The following DPF3 variants were observed in gnomAD, a reference collection of about 807,000 sequenced individuals.
DPF3 encodes zinc finger protein DPF3.
Under a neutral mutation model 56.8 loss-of-function variants are expected in DPF3, and 18 were observed. That is an observed-to-expected ratio of 0.32 (90% CI 0.22 to 0.47). The LOEUF is 0.47. DPF3 is among the 20% of genes least tolerant of loss of function. The pLI is 1.00. For missense variants in DPF3, 403 were observed against 488.8 expected (o/e 0.82, Z 1.65); for synonymous variants, 188 against 180.2 (o/e 1.04, Z -0.35).
At chr14:72,740,814 G>T (rs983436659) in intron 3 of DPF3, among the ~76,000 whole-genome samples, 1 of 152,348 alleles carries the variant, frequency 6.6e-6, no homozygotes, top group African/African-American at 2.4e-5. Context: ...TGAGTTCTGG[G>T]ACATAGGAGT....
intron 2 of DPF3, among the ~76,000 whole-genome samples, chr14:72,763,303 A>C (rs905542692): frequency 6.6e-6 from 1 of 152,122 alleles, no homozygotes; most frequent in Admixed American, 6.5e-5. Flanking sequence ...AAAATAACTA[A>C]GAAAATCAAG....
chr14:72,786,753 C>A (rs1892225834), intron 1 of DPF3, among the ~76,000 whole-genome samples: 1 of 152,184 alleles, frequency 6.6e-6, no homozygotes, highest in South Asian at 2.1e-4. Flanking sequence ...AATAAAAACC[C>A]ATAAATACAG....
intron 8 of DPF3, among the ~76,000 whole-genome samples, chr14:72,651,475 C>A (rs1317427473): frequency 6.6e-6 from 1 of 152,164 alleles, no homozygotes; most frequent in East Asian, 1.9e-4. Flanking sequence ...AGAAGGGGAG[C>A]CTCTCTAAGA....
intron 3 of DPF3, among the ~76,000 whole-genome samples, chr14:72,749,290 G>C (rs1890457139): frequency 6.6e-6 from 1 of 152,232 alleles, no homozygotes; most frequent in South Asian, 2.1e-4. Context: ...TTTTGAACTT[G>C]CATGGGGCCT....
intron 1 of DPF3, among the ~76,000 whole-genome samples, chr14:72,815,327 G>A (rs1188132139): frequency 1.3e-5 from 2 of 152,202 alleles, no homozygotes; most frequent in Non-Finnish European, 2.9e-5. Context: ...TTAAAAGGCT[G>A]ACAATGCCAA....
intron 1 of DPF3, chr14:72,892,272 C>T (rs1272046853): frequency 9.1e-6 from 14 of 1,535,400 alleles, no homozygotes; most frequent in African/African-American, 1.4e-5. Context: ...ACAGCATCAG[C>T]GGTGTTGCAG....
chr14:72,643,227 T>C (rs1885612375), intron 8 of DPF3, among the ~76,000 whole-genome samples: 1 of 152,254 alleles, frequency 6.6e-6, no homozygotes, highest in African/African-American at 2.4e-5. Context: ...TCTCCTTGCA[T>C]GCATAAGAAG....
At position 72,619,182 on chromosome 14, in the gene DPF3, T is replaced by C; in HGVS notation, c.*115A>G. 1 of 1,065,056 alleles carries C rather than the reference T, an allele frequency of 9.4e-7. No individual in the cohort carries two copies. The highest frequency in any genetic ancestry group is 1.6e-5 in the South Asian group (1 of 63,454). The allele number at this position is 1,065,056 out of a possible 1,614,324, so 66.0% of individuals were successfully genotyped here. A position where few individuals can be genotyped will look rare whatever the true frequency, so the allele number is the denominator to read the frequency against. On this transcript the variant is annotated 3_prime_UTR_variant, in exon 11 of 11. Transcript: ENST00000556509. ...ATGTGTCCCTGCCCCTCTGGGACTA[T>C]TTCTTTTCCTTGCAGTTGGTCTGGC...
rs186241688 is a variant in DPF3 at position 72,874,272 on chromosome 14, T to C, written c.32+19785A>G. 2.6e-4 allele frequency among the ~76,000 whole-genome samples: 38 copies of C among 148,510 alleles called. No individual in the cohort carries two copies. The East Asian group carries it at 7.1e-3, about 28-fold the overall frequency. ...GATGGGCAGATCACGGGGTCAGGAG[T>C]TCAAGACCAGCCTGGCCAACATAGT... is the stretch of plus-strand genomic sequence containing the variant. On this transcript the variant is annotated intron_variant, in intron 1 of 10. Coordinates refer to ENST00000556509, the MANE Select transcript of DPF3 (RefSeq NM_001280542.3).
At chr14:72,682,030 T>C (rs1210242074) in intron 7 of DPF3, among the ~76,000 whole-genome samples, 1 of 152,078 alleles carries the variant, frequency 6.6e-6, no homozygotes, top group Non-Finnish European at 1.5e-5. Context: ...CTGGCCAACA[T>C]GGCAAAAACC....
intron 8 of DPF3, among the ~76,000 whole-genome samples, chr14:72,647,717 G>T (rs1048372459): frequency 6.6e-6 from 1 of 152,116 alleles, no homozygotes; most frequent in African/African-American, 2.4e-5. Flanking sequence ...ATGATGACTG[G>T]ATTCAACAGC....
At chr14:72,659,246 G>C (rs546954604) in intron 8 of DPF3, among the ~76,000 whole-genome samples, 1 of 152,132 alleles carries the variant, frequency 6.6e-6, no homozygotes, top group Non-Finnish European at 1.5e-5. Flanking sequence ...TGTCAGCATC[G>C]GATTGGCAAC....
chr14:72,736,361 C>CT (rs1889894693), intron 3 of DPF3, among the ~76,000 whole-genome samples: 1 of 152,182 alleles, frequency 6.6e-6, no homozygotes, highest in Non-Finnish European at 1.5e-5. Context: ...TACCAGCTAC[C>CT]ATAATGGACA....
At chr14:72,809,263 T>C (rs1047138292) in intron 1 of DPF3, among the ~76,000 whole-genome samples, 1 of 152,240 alleles carries the variant, frequency 6.6e-6, no homozygotes, top group Admixed American at 6.5e-5. Context: ...CAGTTCCTGG[T>C]ATTCCATTAC....
At chr14:72,877,957 T>G (rs1886180434) in intron 1 of DPF3, among the ~76,000 whole-genome samples, 1 of 152,236 alleles carries the variant, frequency 6.6e-6, no homozygotes, top group African/African-American at 2.4e-5. Context: ...CCCTCTGTCC[T>G]GAACTGGGAT....
chr14:72,693,455 TCCA>T (rs1051702268), intron 6 of DPF3, among the ~76,000 whole-genome samples: 12 of 152,154 alleles, frequency 7.9e-5, no homozygotes, highest in Non-Finnish European at 1.5e-4. Context: ...GTGTGAGCAC[TCCA>T]CCGTTTCTAG....
rs188624175 is a variant in DPF3 at position 72,665,478 on chromosome 14, C to T, written c.871+8762G>A. 3.3e-3 allele frequency among the ~76,000 whole-genome samples: 504 copies of T among 152,282 alleles called. 1 individual carries two copies. Among genetic ancestry groups the T allele is most frequent in the Non-Finnish European group, 6.0e-3 (410 of 68,020 alleles). On this transcript the variant is annotated intron_variant, in intron 8 of 10. Transcript: ENST00000556509. ...GTAATGGGGTAAATCAATCACATAC[C>T]TCCTGATGTAATGCACTGAGAAGGA...
chr14:72,714,397 G>A lies in DPF3; in HGVS notation c.604+26C>T, dbSNP rs754821871. The A allele has an allele frequency of 2.5e-5, 41 of 1,612,190 alleles. No individual in the cohort carries two copies. The South Asian group carries it at 4.3e-4, about 17-fold the overall frequency. ...CTGGGGGCAGGCGCACAGGGAGGAA[G>A]GAAGGTGGGACCGGCCCATACTTAC... On this transcript the variant is annotated intron_variant, in intron 6 of 10. Transcript: ENST00000556509.
intron 1 of DPF3, among the ~76,000 whole-genome samples, chr14:72,861,759 G>T (rs962457579): frequency 4.9e-5 from 7 of 142,568 alleles, no homozygotes; most frequent in Middle Eastern, 3.2e-3. Flanking sequence ...AAGAAAGAAA[G>T]AAAGAAAGAA....
Sources: allele counts gnomAD v4.1 joint callset (sites outside exome capture counted in the v4.1 genomes callset), GRCh38; gene constraint gnomAD v4.1.1; transcripts MANE v1.5; gene names NCBI Gene and HGNC (gene_info 2026-07-23, HGNC 2026-07-21).